Variants in TENM3 observed in about 807,000 individuals in gnomAD.
TENM3 encodes teneurin transmembrane protein 3.
In TENM3, 63 loss-of-function variants were observed where a neutral mutation model predicts 255.1. The observed-to-expected ratio is 0.25, with a 90% CI of 0.20 to 0.30. TENM3 has a LOEUF of 0.30. Ranked by LOEUF, TENM3 falls within the 10% of genes least tolerant of loss-of-function variation. The pLI is 1.00. For missense variants in TENM3, 2,929 were observed against 3,461.1 expected (o/e 0.85, Z 3.86); for synonymous variants, 1,306 against 1,322.3 (o/e 0.99, Z 0.27).
At chr4:182,652,739 C>A (rs541196296) in intron 5 of TENM3, among the ~76,000 whole-genome samples, 1 of 152,036 alleles carries the variant, frequency 6.6e-6, no homozygotes, top group African/African-American at 2.4e-5. Flanking sequence ...TCCTCCATTG[C>A]GCTGGTAAAT....
At chr4:182,671,098 G>A (rs1231547516) in intron 6 of TENM3, among the ~76,000 whole-genome samples, 3 of 151,952 alleles carry the variant, frequency 2.0e-5, no homozygotes, top group Admixed American at 1.3e-4. Flanking sequence ...ACCTTATCCC[G>A]CATCCCTCCC....
intron 2 of TENM3, among the ~76,000 whole-genome samples, chr4:182,344,177 A>C (rs1361769601): frequency 1.3e-5 from 2 of 152,180 alleles, no homozygotes; most frequent in Admixed American, 6.5e-5. Context: ...AGATGAAAAA[A>C]TAGAGTGTAA....
intron 2 of TENM3, among the ~76,000 whole-genome samples, chr4:182,340,064 C>A (rs768522833): frequency 1.3e-5 from 2 of 152,150 alleles, no homozygotes; most frequent in Non-Finnish European, 2.9e-5. Flanking sequence ...CTTATTTGGG[C>A]CACCAAACCT....
intron 3 of TENM3, among the ~76,000 whole-genome samples, chr4:182,366,347 CTTTA>C (rs1485390234): frequency 1.3e-5 from 2 of 151,444 alleles, no homozygotes; most frequent in East Asian, 1.9e-4. Flanking sequence ...TATATTTTTT[CTTTA>C]TTTATATGTA....
the TENM3 span, among the ~76,000 whole-genome samples, chr4:181,694,921 T>C: frequency 6.6e-6 from 1 of 152,208 alleles, no homozygotes; most frequent in Non-Finnish European, 1.5e-5. Context: ...TCACCTTAAC[T>C]TCAAAGGCAA....
intron 3 of TENM3, among the ~76,000 whole-genome samples, chr4:182,353,868 A>T (rs762960410): frequency 3.9e-5 from 6 of 152,124 alleles, no homozygotes; most frequent in Non-Finnish European, 7.4e-5. Flanking sequence ...CGGGAGGCTG[A>T]TGCAGAGAAT....
chr4:182,531,819 G>T (rs1365525598), intron 3 of TENM3, among the ~76,000 whole-genome samples: 6 of 152,194 alleles, frequency 3.9e-5, no homozygotes, highest in Admixed American at 3.9e-4. Flanking sequence ...AAAATCCCAG[G>T]CTCACAGAAG....
At chr4:182,330,811 G>C (rs1440518859) in intron 2 of TENM3, among the ~76,000 whole-genome samples, 1 of 152,202 alleles carries the variant, frequency 6.6e-6, no homozygotes, top group African/African-American at 2.4e-5. Context: ...CTGGAAATGT[G>C]TCAGAAGCAC....
chr4:181,633,832 C>A, the TENM3 span, among the ~76,000 whole-genome samples: 6 of 152,170 alleles, frequency 3.9e-5, no homozygotes, highest in Non-Finnish European at 7.4e-5. Flanking sequence ...CCCACACAAC[C>A]AGGACACTAA....
intron 3 of TENM3, among the ~76,000 whole-genome samples, chr4:182,599,051 CTT>C (rs1214982129): frequency 6.6e-6 from 1 of 152,122 alleles, no homozygotes; most frequent in East Asian, 1.9e-4. Context: ...CCTGTTCTCT[CTT>C]TGTTTCTATT....
chr4:181,701,119 C>G, the TENM3 span, among the ~76,000 whole-genome samples: 1 of 152,068 alleles, frequency 6.6e-6, no homozygotes, highest in South Asian at 2.1e-4. Flanking sequence ...AGCTAATCTT[C>G]CGGGCACTTA....
chr4:182,519,720 T>C (rs553159687), intron 3 of TENM3, among the ~76,000 whole-genome samples: 1 of 152,314 alleles, frequency 6.6e-6, no homozygotes, highest in South Asian at 2.1e-4. Context: ...ACTTACAGTA[T>C]TACATAATCC....
the TENM3 span, among the ~76,000 whole-genome samples, chr4:181,612,907 C>T: frequency 6.6e-6 from 1 of 152,144 alleles, no homozygotes; most frequent in African/African-American, 2.4e-5. Flanking sequence ...ACGTTAAATC[C>T]TGTGTTGCCA....
At chr4:181,731,173 TA>T in the TENM3 span, among the ~76,000 whole-genome samples, 1 of 152,142 alleles carries the variant, frequency 6.6e-6, no homozygotes, top group South Asian at 2.1e-4. Flanking sequence ...TACATTTTTT[TA>T]AAAAAGAGGA....
At chr4:182,164,136 G>C (rs541426452) in intron 1 of TENM3, among the ~76,000 whole-genome samples, 1 of 152,296 alleles carries the variant, frequency 6.6e-6, no homozygotes, top group East Asian at 1.9e-4. Context: ...GGAGCATCCA[G>C]AGCCAGCAGG....
chr4:182,626,005 C>A (rs1750783491), intron 4 of TENM3, among the ~76,000 whole-genome samples: 2 of 151,850 alleles, frequency 1.3e-5, no homozygotes, highest in Non-Finnish European at 1.5e-5. Context: ...GAAAAGATTT[C>A]ATGACATGGG....
chr4:181,546,857 G>GT, the TENM3 span, among the ~76,000 whole-genome samples: 1 of 145,196 alleles, frequency 6.9e-6, no homozygotes, highest in Admixed American at 6.9e-5. Flanking sequence ...TTGTTTTTTT[G>GT]TTTTTGTTTG....
chr4:182,325,237 T>A (rs966963943), intron 2 of TENM3, among the ~76,000 whole-genome samples: 1 of 152,348 alleles, frequency 6.6e-6, no homozygotes, highest in African/African-American at 2.4e-5. Context: ...CAGTCTGATA[T>A]TGGGCAGGAA....
At chr4:182,543,524 G>A (rs6840083) in intron 3 of TENM3, among the ~76,000 whole-genome samples, 80,841 of 151,944 alleles carry the variant, frequency 0.53, 21,744 homozygotes, top group East Asian at 0.64. Context: ...CCAGCATTCT[G>A]CTTTTAATAA....
Sources: allele counts gnomAD v4.1 joint callset (sites outside exome capture counted in the v4.1 genomes callset), GRCh38; gene constraint gnomAD v4.1.1; transcripts MANE v1.5; gene names NCBI Gene and HGNC (gene_info 2026-07-23, HGNC 2026-07-21).